The following ATRX variants were observed in gnomAD, a reference collection of about 807,000 sequenced individuals.
The protein encoded by ATRX is ATRX chromatin remodeler.
A neutral mutation model predicts 172.6 loss-of-function variants in ATRX; 12 were observed. The observed-to-expected ratio is 0.07, with a 90% CI of 0.04 to 0.11. The LOEUF is 0.11. Among genes scored for constraint, ATRX ranks in the 10% least tolerant of loss-of-function variants. ATRX has a pLI of 1.00. For missense variants in ATRX, 1,368 were observed against 1,767.4 expected, an observed-to-expected ratio of 0.77 and a Z score of 4.05; for synonymous variants, 674 against 594.7, an observed-to-expected ratio of 1.13 and a Z score of -1.94.
chrX:77,589,593 T>C (rs1295308991), intron 27 of ATRX, among the ~76,000 whole-genome samples: 1 of 111,951 alleles, frequency 8.9e-6, no homozygotes, highest in Non-Finnish European at 1.9e-5. Flanking sequence ...ACAGTAGCCA[T>C]TTTACTATCT....
rs782550046 is a variant in ATRX, at chrX:77,540,631, G to A, written c.6699+16820C>T. 3.6e-5 allele frequency among the ~76,000 whole-genome samples: 4 copies of A among 111,924 alleles called. No individual in the cohort carries two copies. The South Asian group carries it at 1.1e-3, about 31-fold the overall frequency. On this transcript the variant is annotated intron_variant, in intron 30 of 34. Transcript: ENST00000373344. ...AACAAACAGTCTCTCAGAACACAGC[G>A]CAATCAAATCAGAACTCGAGATTAA...
intron 15 of ATRX, among the ~76,000 whole-genome samples, chrX:77,650,611 T>C (rs782424163): frequency 1.8e-5 from 2 of 109,380 alleles, no homozygotes; most frequent in South Asian, 7.8e-4. Context: ...TGAGACAGAG[T>C]TTTGCTCTTG....
chrX:77,714,808 C>T (rs2073292314), intron 2 of ATRX, among the ~76,000 whole-genome samples: 1 of 111,956 alleles, frequency 8.9e-6, no homozygotes, highest in Non-Finnish European at 1.9e-5. Context: ...AGAAACAGGA[C>T]TACTAAATCT....
At chrX:77,520,654 T>C in intron 34 of ATRX, 134 bp downstream of exon 34, 1 of 730,513 alleles carries the variant, frequency 1.4e-6, no homozygotes, top group African/African-American at 2.2e-5. Flanking sequence ...TTTTTTACAT[T>C]TCTTCCAGAA....
intron 12 of ATRX, among the ~76,000 whole-genome samples, chrX:77,656,969 T>C (rs1438436807): frequency 8.9e-6 from 1 of 111,863 alleles, no homozygotes; most frequent in East Asian, 2.8e-4. Flanking sequence ...GGTAAATTAA[T>C]GAAAAAGAAG....
At chrX:77,612,840 A>G (rs1261454428) in intron 22 of ATRX, among the ~76,000 whole-genome samples, 4 of 111,599 alleles carry the variant, frequency 3.6e-5, no homozygotes, top group Non-Finnish European at 5.6e-5. Flanking sequence ...GCAGAAGTAT[A>G]CAGTATTTGC....
chrX:77,629,606 T>C (rs782692331), intron 19 of ATRX, among the ~76,000 whole-genome samples: 6 of 112,078 alleles, frequency 5.4e-5, no homozygotes, highest in Non-Finnish European at 9.4e-5. Flanking sequence ...TAAAACCTAA[T>C]GGAGAAACCA....
At chrX:77,703,567 C>A (rs1298975242) in intron 2 of ATRX, among the ~76,000 whole-genome samples, 1 of 112,458 alleles carries the variant, frequency 8.9e-6, no homozygotes, top group Non-Finnish European at 1.9e-5. Flanking sequence ...GGAGTCACAG[C>A]CCTGGCTTGG....
intron 2 of ATRX, among the ~76,000 whole-genome samples, chrX:77,711,062 A>C (rs1289905513): frequency 8.9e-6 from 1 of 112,007 alleles, no homozygotes; most frequent in African/African-American, 3.2e-5. Flanking sequence ...ATTGAGGGAA[A>C]CTGCCAAAGT....
chrX:77,627,016 G>C (rs939328660), intron 19 of ATRX, among the ~76,000 whole-genome samples: 13 of 111,025 alleles, frequency 1.2e-4, no homozygotes, highest in African/African-American at 4.3e-4. Flanking sequence ...ACGAGGTCAG[G>C]AGATAGAGAC....
At chrX:77,625,636 T>G (rs1410296251) in intron 19 of ATRX, among the ~76,000 whole-genome samples, 3 of 111,381 alleles carry the variant, frequency 2.7e-5, no homozygotes, top group African/African-American at 9.8e-5. Flanking sequence ...CCAACAAACA[T>G]ATGAAAAAAT....
At chrX:77,629,972 GCA>G (rs782416543) in intron 19 of ATRX, among the ~76,000 whole-genome samples, 41 of 112,130 alleles carry the variant, frequency 3.7e-4, no homozygotes, top group Non-Finnish European at 5.8e-4. Flanking sequence ...GCGTGCGCGC[GCA>G]CACACACGCG....
intron 30 of ATRX, among the ~76,000 whole-genome samples, chrX:77,540,253 C>T (rs958324000): frequency 5.4e-5 from 6 of 111,122 alleles, no homozygotes; most frequent in Non-Finnish European, 1.1e-4. Context: ...GATCAATGCA[C>T]CAAAAAGAGC....
intron 2 of ATRX, among the ~76,000 whole-genome samples, chrX:77,702,328 A>G (rs2072575212): frequency 8.9e-6 from 1 of 112,026 alleles, no homozygotes; most frequent in Non-Finnish European, 1.9e-5. Context: ...CTGTAATCCC[A>G]GCTACTCGGT....
intron 1 of ATRX, among the ~76,000 whole-genome samples, chrX:77,781,592 G>A (rs1481930685): frequency 9.0e-6 from 1 of 110,603 alleles, no homozygotes; most frequent in Non-Finnish European, 1.9e-5. Flanking sequence ...TCCCATTTGA[G>A]CTTATTCCCA....
At chrX:77,613,280 C>T (rs1268373886) in intron 22 of ATRX, among the ~76,000 whole-genome samples, 1 of 110,092 alleles carries the variant, frequency 9.1e-6, no homozygotes, top group Non-Finnish European at 1.9e-5. Flanking sequence ...TTTATAATGG[C>T]CACCACAATG....
rs2072039122 is a variant in ATRX, at chrX:77,693,829, C to T, written c.479G>A (p.Arg160His). The T allele has an allele frequency of 8.3e-7, 1 of 1,199,657 alleles. No individual in the cohort carries two copies. The highest frequency in any genetic ancestry group is 1.1e-6 in the Non-Finnish European group (1 of 885,004). ...TCATTTTCACTTGTATTTACCTCCG[C>T]GTTTTTTGAGATTTTCAGTTTTCAT... Reference protein sequence around the residue: ...SKMKTENLKKRGEDGLHGIVS... With the variant: ...SKMKTENLKKHGEDGLHGIVS... The change falls in exon 6 of 35, where the codon CGC becomes CAC. Residue 160 changes from arginine (R) to histidine (H), a missense_variant. Physicochemically the swap from Arg to His is conservative, Grantham distance 29. Coordinates refer to ENST00000373344, the MANE Select transcript of ATRX (RefSeq NM_000489.6).
At chrX:77,558,527 A>G (rs1191145476) in intron 29 of ATRX, 142 bp downstream of exon 29, 20 of 527,284 alleles carry the variant, frequency 3.8e-5, no homozygotes, top group Non-Finnish European at 5.2e-5. Context: ...AGAAAAGCCA[A>G]AACTGACTTC....
At chrX:77,770,013 G>C (rs2076103583) in intron 1 of ATRX, among the ~76,000 whole-genome samples, 2 of 111,027 alleles carry the variant, frequency 1.8e-5, no homozygotes, top group South Asian at 7.6e-4. Flanking sequence ...GAGCCCAGGA[G>C]GTTGAGGCTG....
Sources: gnomAD v4.1 joint callset for allele counts (sites outside exome capture counted in the v4.1 genomes callset) on GRCh38, gnomAD v4.1.1 for gene constraint, MANE v1.5 for transcripts, NCBI Gene and HGNC (gene_info 2026-07-23, HGNC 2026-07-21) for gene names.